Variants in ANKRD26 observed in about 807,000 individuals in gnomAD.
ANKRD26 encodes ankyrin repeat domain 26.
Under a neutral mutation model 208.7 loss-of-function variants are expected in ANKRD26, and 141 were observed. The observed-to-expected ratio is 0.68, with a 90% confidence interval of 0.59 to 0.78. The LOEUF (loss-of-function observed/expected upper bound fraction) is 0.78, where lower values mean the gene tolerates loss of function less well. ANKRD26 is among the 30% of genes least tolerant of loss of function. The pLI, the probability that ANKRD26 is intolerant of heterozygous loss-of-function variation, is 0.00. For synonymous variants in ANKRD26, 636 were observed against 660.4 expected (o/e 0.96, Z 0.57); for missense variants, 1,889 against 1,938.7 (o/e 0.97, Z 0.48).
chr10:27,039,570 T>TA lies in ANKRD26; in HGVS notation c.2375+394dup, dbSNP rs569688166. ...TAAAAATCTGGACCAAAGGCCTTTT[T>TA]AAAAAAAATTCCTATACTTTAAACG... On this transcript the variant is annotated intron_variant, in intron 21 of 33. Coordinates refer to ENST00000376087, the MANE Select transcript of ANKRD26 (RefSeq NM_014915.3). Among the ~76,000 whole-genome samples, 19 of 152,100 alleles carry TA rather than the reference T, an allele frequency of 1.2e-4. No homozygotes were observed. In the East Asian group the frequency reaches 3.7e-3, roughly 29 times the overall value.
intron 24 of ANKRD26, among the ~76,000 whole-genome samples, chr10:27,034,149 G>A (rs2053969141): frequency 6.6e-6 from 1 of 152,132 alleles, no homozygotes; most frequent in Non-Finnish European, 1.5e-5. Context: ...AAATATGGTT[G>A]CTAAAATTCA....
intron 33 of ANKRD26, among the ~76,000 whole-genome samples, 156 bp downstream of exon 33, chr10:27,006,761 A>G (rs2052899306): frequency 6.6e-6 from 1 of 152,214 alleles, no homozygotes; most frequent in Non-Finnish European, 1.5e-5. Flanking sequence ...ATGAATATTC[A>G]TGTTTTCACA....
rs762916131 is a variant in ANKRD26, at chr10:27,030,604, C to T, written c.3808-1248G>A. ...AATCTACGGATCCCAGCTCTGGCTA[C>T]GTAATAAAGAAATGGAAATGTAGAT... On this transcript the variant is annotated intron_variant, in intron 25 of 33. Coordinates refer to ENST00000376087, the MANE Select transcript of ANKRD26 (RefSeq NM_014915.3). 6 of 984,854 alleles carry T rather than the reference C, an allele frequency of 6.1e-6. No homozygotes were observed. The African/African-American group carries it at 8.8e-5, about 14-fold the overall frequency. The allele number at this position is 984,854 out of a possible 1,614,324, so 61.0% of individuals were successfully genotyped here.
chr10:27,047,037 T>C (rs1564387733), intron 17 of ANKRD26, among the ~76,000 whole-genome samples: 1 of 152,056 alleles, frequency 6.6e-6, no homozygotes, highest in African/African-American at 2.4e-5. Context: ...TAAACTTGAA[T>C]GTGACAGTAA....
chr10:27,018,509 C>T (rs2053381098), intron 29 of ANKRD26, among the ~76,000 whole-genome samples: 1 of 151,986 alleles, frequency 6.6e-6, no homozygotes, highest in African/African-American at 2.4e-5. Context: ...AAAAAAAAGG[C>T]TCCCAGAATA....
At chr10:27,074,931 T>C (rs898732258) in intron 9 of ANKRD26, among the ~76,000 whole-genome samples, 2 of 152,128 alleles carry the variant, frequency 1.3e-5, no homozygotes, top group Non-Finnish European at 1.5e-5. Flanking sequence ...GTCCTATCTA[T>C]AGTCTCCTTA....
intron 28 of ANKRD26, among the ~76,000 whole-genome samples, chr10:27,023,858 T>C (rs889910572): frequency 6.6e-6 from 1 of 152,152 alleles, no homozygotes; most frequent in Non-Finnish European, 1.5e-5. Context: ...ATACATACTT[T>C]TGTATATGTA....
chr10:26,953,047 T>C, the ANKRD26 span, among the ~76,000 whole-genome samples: 6 of 152,210 alleles, frequency 3.9e-5, no homozygotes, highest in Non-Finnish European at 7.3e-5. Flanking sequence ...ATATTGATTA[T>C]ACCGTTTAAA....
At chr10:26,950,250 C>T in the ANKRD26 span, among the ~76,000 whole-genome samples, 56 of 152,250 alleles carry the variant, frequency 3.7e-4, no homozygotes, top group South Asian at 2.5e-3. Context: ...AATTGTCTGG[C>T]ATTTCCTCTT....
the ANKRD26 span, among the ~76,000 whole-genome samples, chr10:26,955,457 A>ATGTATATATGTACATATATG: frequency 6.6e-6 from 1 of 151,932 alleles, no homozygotes; most frequent in African/African-American, 2.4e-5. Flanking sequence ...ATATGTGTGT[A>ATGTATATATGTACATATATG]TGTATATATG....
downstream of ANKRD26, among the ~76,000 whole-genome samples, chr10:26,971,368 G>A (rs2052139611): frequency 6.6e-6 from 1 of 151,548 alleles, no homozygotes; most frequent in Non-Finnish European, 1.5e-5. Flanking sequence ...TGGCAACAAA[G>A]TGAAACCTTG....
chr10:26,986,675 A>C (rs1282692987), intron 3 of ANKRD26, among the ~76,000 whole-genome samples: 1 of 152,252 alleles, frequency 6.6e-6, no homozygotes, highest in Admixed American at 6.5e-5. Flanking sequence ...AGACACATGA[A>C]AAAATGCTCA....
chr10:27,050,625 C>A (rs2135364948), intron 16 of ANKRD26, among the ~76,000 whole-genome samples: 1 of 152,232 alleles, frequency 6.6e-6, no homozygotes. Context: ...ATACTCAGGG[C>A]TAGATATATT....
intron 3 of ANKRD26, among the ~76,000 whole-genome samples, chr10:26,984,472 C>A (rs2052354743): frequency 6.6e-6 from 1 of 152,152 alleles, no homozygotes. Context: ...TTAGTCAATA[C>A]TACCTGGTAT....
At chr10:27,086,918 C>A (rs1199426104) in intron 4 of ANKRD26, among the ~76,000 whole-genome samples, 1 of 151,802 alleles carries the variant, frequency 6.6e-6, no homozygotes, top group Non-Finnish European at 1.5e-5. Flanking sequence ...ATTACAGGTA[C>A]CCGTCACTAC....
intron 1 of ANKRD26, among the ~76,000 whole-genome samples, chr10:27,095,761 C>T (rs868808291): frequency 6.6e-6 from 1 of 152,160 alleles, no homozygotes; most frequent in African/African-American, 2.4e-5. Context: ...TCAGGCTGGG[C>T]AGGTATGCAA....
intron 1 of ANKRD26, 137 bp downstream of exon 1, chr10:27,099,948 T>C: frequency 1.4e-6 from 2 of 1,404,576 alleles, no homozygotes; most frequent in Non-Finnish European, 2.0e-6. Context: ...GCTGGAGCCC[T>C]GCAAGGTGTC....
chr10:27,037,813 T>C, intron 22 of ANKRD26, 58 bp downstream of exon 22: 1 of 1,320,866 alleles, frequency 7.6e-7, no homozygotes, highest in Non-Finnish European at 1.1e-6. Context: ...CAAAAGGATG[T>C]GATAATAGTG....
intron 32 of ANKRD26, among the ~76,000 whole-genome samples, chr10:27,010,256 A>C (rs907382859): frequency 2.6e-5 from 4 of 152,214 alleles, no homozygotes; most frequent in African/African-American, 9.7e-5. Context: ...CCCACAAAGA[A>C]ACCATGTATA....
Sources: allele counts gnomAD v4.1 joint callset (sites outside exome capture counted in the v4.1 genomes callset), GRCh38; gene constraint gnomAD v4.1.1; transcripts MANE v1.5; gene names NCBI Gene and HGNC (gene_info 2026-07-23, HGNC 2026-07-21).